CAMSAP1: variants seen among roughly 807,000 people sequenced by gnomAD.
CAMSAP1 encodes the protein calmodulin-regulated spectrin-associated protein 1.
Under a neutral mutation model 143.5 loss-of-function variants are expected in CAMSAP1, and 58 were observed. The ratio of observed to expected loss-of-function variants is 0.40; its 90% CI spans 0.33 to 0.50. The LOEUF (loss-of-function observed/expected upper bound fraction) is 0.50, where lower values mean the gene tolerates loss of function less well. CAMSAP1 is among the 20% of genes least tolerant of loss of function. CAMSAP1 has a pLI of 0.45. For synonymous variants in CAMSAP1, 945 were observed against 859.3 expected (o/e 1.10, Z -1.74); for missense variants, 1,969 against 2,115.7 (o/e 0.93, Z 1.36).
At chr9:135,848,430 G>A (rs1182737251) in intron 7 of CAMSAP1, among the ~76,000 whole-genome samples, 4 of 151,980 alleles carry the variant, frequency 2.6e-5, no homozygotes, top group African/African-American at 2.4e-5. Flanking sequence ...ACCACCACTC[G>A]GGTCCAGAAG....
intron 1 of CAMSAP1, among the ~76,000 whole-genome samples, chr9:135,901,599 A>C (rs1838619884): frequency 6.6e-6 from 1 of 152,130 alleles, no homozygotes; most frequent in African/African-American, 2.4e-5. Context: ...TGGGCAACAG[A>C]GCAAGACCCT....
chr9:135,873,965 C>G (rs186503408), intron 3 of CAMSAP1, among the ~76,000 whole-genome samples: 3 of 151,986 alleles, frequency 2.0e-5, no homozygotes, highest in East Asian at 1.9e-4. Flanking sequence ...ACACAAAAAT[C>G]ATCAACAATA....
chr9:135,893,015 T>C (rs1328210790), intron 1 of CAMSAP1, among the ~76,000 whole-genome samples: 1 of 151,632 alleles, frequency 6.6e-6, no homozygotes, highest in Non-Finnish European at 1.5e-5. Context: ...CAAAAAGTTT[T>C]AAAAATTAGG....
chr9:135,847,121 G>A (rs1836583237), intron 7 of CAMSAP1, among the ~76,000 whole-genome samples: 1 of 152,080 alleles, frequency 6.6e-6, no homozygotes, highest in Non-Finnish European at 1.5e-5. Context: ...GCTGAGGCGG[G>A]TGGATCATGA....
intron 1 of CAMSAP1, among the ~76,000 whole-genome samples, chr9:135,901,887 C>T (rs969602075): frequency 3.3e-5 from 5 of 152,182 alleles, no homozygotes; most frequent in Non-Finnish European, 7.3e-5. Flanking sequence ...ACAAATCCTC[C>T]GCCTCAACAA....
At chr9:135,905,014 T>C (rs1286278514) in intron 1 of CAMSAP1, among the ~76,000 whole-genome samples, 1 of 151,772 alleles carries the variant, frequency 6.6e-6, no homozygotes, top group Non-Finnish European at 1.5e-5. Flanking sequence ...CGGAGTCTGA[T>C]GTGCGAAGGC....
chr9:135,865,189 T>C, intron 4 of CAMSAP1: 1 of 763,260 alleles, frequency 1.3e-6, no homozygotes, highest in Non-Finnish European at 2.2e-6. Flanking sequence ...CCAATTCTTG[T>C]ACTATATAAA....
chr9:135,885,765 T>C (rs983372895), intron 1 of CAMSAP1, among the ~76,000 whole-genome samples: 13 of 152,214 alleles, frequency 8.5e-5, no homozygotes, highest in Non-Finnish European at 1.8e-4. Context: ...AAATTTCAGA[T>C]GCAGGAAAAT....
rs1483731288 is a variant in CAMSAP1, at chr9:135,811,997, G to C, written c.4507-386C>G. Among the ~76,000 whole-genome samples the C allele has an allele frequency of 2.0e-5, 3 of 152,146 alleles. No individual in the cohort carries two copies. The highest frequency in any genetic ancestry group is 4.4e-5 in the Non-Finnish European group (3 of 68,028). ...TGGCGAGCCATGGGGCTCTTTCACTGCCAGAAGGATACAGAGCACAGCAGC... is the reference window on the plus strand; with the variant it reads ...TGGCGAGCCATGGGGCTCTTTCACTCCCAGAAGGATACAGAGCACAGCAGC... On this transcript the variant is annotated intron_variant, in intron 16 of 16. Transcript: ENST00000389532. This position sits in a 1 kb window ranked among gnomAD's most constrained non-coding sequence, Gnocchi z 4.9.
chr9:135,894,148 G>C (rs1275740915), intron 1 of CAMSAP1, among the ~76,000 whole-genome samples: 1 of 152,092 alleles, frequency 6.6e-6, no homozygotes, highest in Admixed American at 6.5e-5. Flanking sequence ...ACAATCAGCA[G>C]GTAGGGACAT....
At chr9:135,872,061 T>C (rs1026676357) in intron 3 of CAMSAP1, among the ~76,000 whole-genome samples, 3 of 151,672 alleles carry the variant, frequency 2.0e-5, no homozygotes, top group South Asian at 2.1e-4. Flanking sequence ...GATCACGCCA[T>C]TGCACTCCAA....
At position 135,822,727 on chromosome 9, in the gene CAMSAP1, T is replaced by C. The variant is rs1391976707; in HGVS notation, c.1934A>G (p.Asp645Gly). ...AATCGGGGTAAAAGTCCTATTCAAGTCGCGACTGCCAGTCATTTTCCTTCG... is the reference window on the plus strand; with the variant it reads ...AATCGGGGTAAAAGTCCTATTCAAGCCGCGACTGCCAGTCATTTTCCTTCG... ...LVRRKMTGSRDLNRTFTPIPC... is the reference protein window; with the variant it reads ...LVRRKMTGSRGLNRTFTPIPC... The change falls in exon 11 of 17, where the codon GAC becomes GGC. Residue 645 changes from aspartate to glycine, a missense_variant. Around this residue, in one of 4 missense-constraint regions of CAMSAP1, gnomAD observed 1,390 missense variants for 1,420.8 expected, o/e 0.98. Transcript: ENST00000389532. The surrounding 1 kb of genome is among the most constrained non-coding windows in gnomAD (Gnocchi z 6.1). The C allele has an allele frequency of 6.2e-7, 1 of 1,612,388 alleles. No homozygotes were observed. Among genetic ancestry groups the C allele is most frequent in the Non-Finnish European group, 8.5e-7 (1 of 1,179,084 alleles).
chr9:135,887,981 T>G (rs1368648747), intron 1 of CAMSAP1, among the ~76,000 whole-genome samples: 1 of 152,138 alleles, frequency 6.6e-6, no homozygotes, highest in Non-Finnish European at 1.5e-5. Flanking sequence ...GTCAGAAGAC[T>G]CTAACCAGTC....
At chr9:135,894,149 G>T (rs575583364) in intron 1 of CAMSAP1, among the ~76,000 whole-genome samples, 30 of 152,204 alleles carry the variant, frequency 2.0e-4, no homozygotes, top group Admixed American at 6.5e-4. Context: ...CAATCAGCAG[G>T]TAGGGACATC....
intron 7 of CAMSAP1, among the ~76,000 whole-genome samples, chr9:135,841,639 C>T (rs1031264934): frequency 6.6e-6 from 1 of 152,246 alleles, no homozygotes; most frequent in Non-Finnish European, 1.5e-5. Flanking sequence ...TGGGACAAAG[C>T]TTCCAGAGGA....
chr9:135,852,361 T>A (rs1836813377), intron 5 of CAMSAP1, among the ~76,000 whole-genome samples: 1 of 152,248 alleles, frequency 6.6e-6, no homozygotes, highest in African/African-American at 2.4e-5. Context: ...TGGTTACATT[T>A]AACAATCTTT....
intron 1 of CAMSAP1, among the ~76,000 whole-genome samples, chr9:135,902,835 C>T (rs775088018): frequency 2.6e-5 from 4 of 152,150 alleles, no homozygotes; most frequent in African/African-American, 9.7e-5. Context: ...GGCTTCTGCA[C>T]AGGGCCACGT....
chr9:135,883,459 C>A (rs1232013646), intron 1 of CAMSAP1, among the ~76,000 whole-genome samples: 1 of 152,138 alleles, frequency 6.6e-6, no homozygotes, highest in African/African-American at 2.4e-5. Flanking sequence ...TGAGGGGAAA[C>A]CAGCACAGGC....
At chr9:135,901,073 T>A (rs1281242478) in intron 1 of CAMSAP1, among the ~76,000 whole-genome samples, 2 of 152,132 alleles carry the variant, frequency 1.3e-5, no homozygotes, top group Non-Finnish European at 2.9e-5. Context: ...TTTTCTGTAG[T>A]GACAACAAAA....
Sources: gnomAD v4.1 joint callset for allele counts (sites outside exome capture counted in the v4.1 genomes callset) on GRCh38, gnomAD v4.1.1 for gene constraint, gnomAD v4.1.1 regional missense constraint, Gnocchi (gnomAD v3.1) non-coding constraint, MANE v1.5 for transcripts, NCBI Gene and HGNC (gene_info 2026-07-23, HGNC 2026-07-21) for gene names.